The following CALM2 variants were observed in gnomAD, a reference collection of about 807,000 sequenced individuals.
CALM2 encodes the protein calmodulin-2.
CALM2 carries 2 observed loss-of-function variants against 19.8 expected under a neutral mutation model. That is an observed-to-expected ratio of 0.10 (90% CI 0.04 to 0.32). The LOEUF (loss-of-function observed/expected upper bound fraction) is 0.32, where lower values mean the gene tolerates loss of function less well. Among genes scored for constraint, CALM2 ranks in the 10% least tolerant of loss-of-function variants. CALM2 has a pLI of 1.00. For missense variants in CALM2, 38 were observed against 178.7 expected (o/e 0.21, Z 4.49); for synonymous variants, 51 against 52.1 (o/e 0.98, Z 0.09).
intron 1 of CALM2, chr2:47,174,135 C>T (rs373870342): frequency 6.6e-6 from 1 of 152,190 alleles, no homozygotes; most frequent in Admixed American, 6.5e-5. Flanking sequence ...CACTCAAAGT[C>T]CTCTTGAAGC....
chr2:47,176,680 A>C, upstream of CALM2: 1 of 1,426,398 alleles, frequency 7.0e-7, no homozygotes, highest in East Asian at 2.6e-5. Context: ...GCAAGAGATC[A>C]AGGAAAGTGG....
chr2:47,173,188 T>C (rs921930169), intron 1 of CALM2: 4 of 152,146 alleles, frequency 2.6e-5, no homozygotes, highest in African/African-American at 9.7e-5. Context: ...TCAAGAAGAC[T>C]TCCTAGCACT....
upstream of CALM2, chr2:47,176,528 C>G: frequency 1.9e-6 from 3 of 1,588,554 alleles, no homozygotes; most frequent in Non-Finnish European, 1.7e-6. Context: ...CCTCCTCCGC[C>G]CCCAGCGCCT....
At chr2:47,175,488 C>T (rs1484381091) in intron 1 of CALM2, among the ~76,000 whole-genome samples, 1 of 152,222 alleles carries the variant, frequency 6.6e-6, no homozygotes, top group Non-Finnish European at 1.5e-5. Context: ...GAGCCGAACA[C>T]TTTCCCTAAC....
chr2:47,170,888 C>T (rs770818040), intron 1 of CALM2, 124 bp from the exon 2 acceptor site: 12 of 780,758 alleles, frequency 1.5e-5, no homozygotes, highest in Non-Finnish European at 2.6e-5. Context: ...GCAACAAACA[C>T]ATCTGGATAG....
intron 2 of CALM2, 96 bp downstream of exon 2, chr2:47,170,638 A>G (rs1437966716): frequency 8.3e-6 from 8 of 967,526 alleles, no homozygotes; most frequent in East Asian, 2.4e-5. Context: ...GACATATACC[A>G]AAGTCAATTA....
At chr2:47,175,092 T>TG (rs1377154471) in intron 1 of CALM2, among the ~76,000 whole-genome samples, 3 of 137,022 alleles carry the variant, frequency 2.2e-5, no homozygotes, top group African/African-American at 1.0e-4. Context: ...TTTTTTTTTT[T>TG]TTTTTTCAGG....
upstream of CALM2, chr2:47,176,575 T>A (rs1036919163): frequency 7.1e-6 from 11 of 1,549,178 alleles, no homozygotes; most frequent in Non-Finnish European, 9.6e-6. Flanking sequence ...CTCCGCCGCA[T>A]CCAGATAACG....
At chr2:47,175,650 T>C (rs1666833663) in intron 1 of CALM2, among the ~76,000 whole-genome samples, 1 of 151,712 alleles carries the variant, frequency 6.6e-6, no homozygotes, top group Non-Finnish European at 1.5e-5. Flanking sequence ...AGATTAGGGT[T>C]GCCAGAGGGG....
chr2:47,170,671 G>A (rs1666636577), intron 2 of CALM2, 63 bp downstream of exon 2: 1 of 1,207,640 alleles, frequency 8.3e-7, no homozygotes, highest in South Asian at 1.2e-5. Context: ...CTCTTATTCT[G>A]ACGTTGGCTA....
intron 2 of CALM2, chr2:47,163,043 C>G (rs1157403674): frequency 1.8e-5 from 3 of 166,452 alleles, no homozygotes; most frequent in African/African-American, 7.2e-5. Flanking sequence ...TCCTCTGTCA[C>G]TGAAGCTGCT....
At chr2:47,166,901 G>C (rs554541663) in intron 2 of CALM2, among the ~76,000 whole-genome samples, 3 of 151,488 alleles carry the variant, frequency 2.0e-5, no homozygotes, top group Admixed American at 6.6e-5. Flanking sequence ...CATTTTAGCT[G>C]ACCAAACTGA....
intron 2 of CALM2, among the ~76,000 whole-genome samples, chr2:47,168,748 T>C (rs1666570671): frequency 6.7e-6 from 1 of 150,082 alleles, no homozygotes; most frequent in South Asian, 2.2e-4. Flanking sequence ...TATCAATCAC[T>C]GAAGAGGGAT....
chr2:47,164,384 ACACG>A (rs1361140913), intron 2 of CALM2, among the ~76,000 whole-genome samples: 3 of 77,622 alleles, frequency 3.9e-5, no homozygotes, highest in Non-Finnish European at 7.4e-5. Context: ...ACACACACAC[ACACG>A]CTGGGTGTGG....
At position 47,160,684 on chromosome 2, in the gene CALM2, T is replaced by C. The variant is rs1687128076; in HGVS notation, c.*92A>G. 2 of 674,470 alleles carry C rather than the reference T, an allele frequency of 3.0e-6. No individual in the cohort carries two copies. The highest frequency in any genetic ancestry group is 4.9e-6 in the Non-Finnish European group (2 of 404,928). 41.8% of individuals were successfully genotyped at this position (674,470 alleles called of 1,614,324 possible). A position where few individuals can be genotyped will look rare whatever the true frequency, so the allele number is the denominator to read the frequency against. On this transcript the variant is annotated 3_prime_UTR_variant, in exon 6 of 6. Transcript: ENST00000272298. ...CTATACATGCATATTTTTTTGACAG[T>C]AGGGAGAAACCTTTTACAGATAAGT...
rs1314554142 is a variant in CALM2, at chr2:47,161,703, C to A, written c.421+20G>T. 6.2e-7 allele frequency: 1 copy of A among 1,600,740 alleles called. No individual in the cohort carries two copies. The highest frequency in any genetic ancestry group is 1.1e-5 in the South Asian group (1 of 89,044). On this transcript the variant is annotated intron_variant, in intron 5 of 5. Coordinates refer to ENST00000272298, the MANE Select transcript of CALM2 (RefSeq NM_001743.6). ...TTAAAAATCAAAGTGAAGAATGAGG[C>A]GTGAGACTGAAACATTTACCTTCAT...
chr2:47,165,879 G>C (rs141727737), intron 2 of CALM2, among the ~76,000 whole-genome samples: 1 of 152,280 alleles, frequency 6.6e-6, no homozygotes, highest in Non-Finnish European at 1.5e-5. Flanking sequence ...TCTGTCAACA[G>C]GTCTCGAATT....
Position 47,160,649 on chromosome 2 carries a change from G to A in CALM2, c.*127C>T, listed in dbSNP as rs1475005968. The A allele has an allele frequency of 2.8e-5, 15 of 542,462 alleles. No individual in the cohort carries two copies. Among genetic ancestry groups the A allele is most frequent in the Admixed American group, 2.6e-4 (7 of 27,078 alleles). The allele number at this position is 542,462 out of a possible 1,614,324, so 33.6% of individuals were successfully genotyped here. A position where few individuals can be genotyped will look rare whatever the true frequency, so the allele number is the denominator to read the frequency against. Reference sequence around the variant, plus strand: ...AGGGAAGAAAACATGGAGGAATGAAGTCCTAATTACTATACATGCATATTT... The same window carrying A: ...AGGGAAGAAAACATGGAGGAATGAAATCCTAATTACTATACATGCATATTT... On this transcript the variant is annotated 3_prime_UTR_variant, in exon 6 of 6. Transcript: ENST00000272298.
chr2:47,164,393 G>C (rs1351228550), intron 2 of CALM2, among the ~76,000 whole-genome samples: 1 of 130,956 alleles, frequency 7.6e-6, no homozygotes, highest in Non-Finnish European at 1.6e-5. Flanking sequence ...CACACGCTGG[G>C]TGTGGCAGCG....
Sources: gnomAD v4.1 joint callset for allele counts (sites outside exome capture counted in the v4.1 genomes callset) on GRCh38, gnomAD v4.1.1 for gene constraint, MANE v1.5 for transcripts, NCBI Gene and HGNC (gene_info 2026-07-23, HGNC 2026-07-21) for gene names.